USP7: variants seen among roughly 807,000 people sequenced by gnomAD.
USP7 encodes the protein ubiquitin specific peptidase 7, also known as ubiquitin C-terminal hydrolase 7.
Under a neutral mutation model 162.9 loss-of-function variants are expected in USP7, and 9 were observed. The ratio of observed to expected loss-of-function variants is 0.06; its 90% CI spans 0.03 to 0.10. The LOEUF is 0.10. Ranked by LOEUF, USP7 falls within the 10% of genes least tolerant of loss-of-function variation. The pLI, the probability that USP7 is intolerant of heterozygous loss-of-function variation, is 1.00. For missense variants in USP7, 715 were observed against 1,373.7 expected (o/e 0.52, Z 7.58); for synonymous variants, 562 against 475.9 (o/e 1.18, Z -2.35).
intron 1 of USP7, among the ~76,000 whole-genome samples, chr16:8,954,468 G>A (rs1435894390): frequency 6.6e-6 from 1 of 152,168 alleles, no homozygotes; most frequent in Non-Finnish European, 1.5e-5. Flanking sequence ...CATGGGCAAT[G>A]GGACCACAAT....
At chr16:8,941,755 C>G (rs1410902751) in intron 1 of USP7, among the ~76,000 whole-genome samples, 1 of 152,150 alleles carries the variant, frequency 6.6e-6, no homozygotes, top group Non-Finnish European at 1.5e-5. Flanking sequence ...GAAGTCAGGC[C>G]TGCCTCTCCC....
chr16:8,947,549 T>C (rs886589980), intron 1 of USP7, among the ~76,000 whole-genome samples: 1 of 152,206 alleles, frequency 6.6e-6, no homozygotes, highest in Non-Finnish European at 1.5e-5. Context: ...GGTTTCACCA[T>C]GTTGCCCAGG....
At chr16:8,902,564 C>T (rs2061792355) in intron 16 of USP7, 82 bp from the exon 17 acceptor site, 99 of 988,584 alleles carry the variant, frequency 1.0e-4, no homozygotes, top group Non-Finnish European at 1.4e-4. Context: ...TATGTATATA[C>T]ATATACATAT....
intron 23 of USP7, 40 bp from the exon 24 acceptor site, chr16:8,898,679 T>G (rs756594540): frequency 3.7e-5 from 56 of 1,496,222 alleles, no homozygotes; most frequent in Non-Finnish European, 4.6e-5. Flanking sequence ...GACTTGTTTA[T>G]TTGCCTAAAA....
At chr16:8,956,546 C>T (rs555981361) in intron 1 of USP7, among the ~76,000 whole-genome samples, 2 of 152,266 alleles carry the variant, frequency 1.3e-5, no homozygotes, top group South Asian at 4.1e-4. Context: ...GGGCAGACTG[C>T]CTGAGCTCAG....
Position 8,899,929 on chromosome 16 carries a change from G to A in USP7, c.2310-172C>T, listed in dbSNP as rs114286936. 1.4e-3 allele frequency: 1,064 copies of A among 754,168 alleles called. 11 individuals carry two copies. In the African/African-American group the frequency reaches 0.016, roughly 11 times the overall value. 46.7% of individuals were successfully genotyped at this position (754,168 alleles called of 1,614,324 possible). A position where few individuals can be genotyped will look rare whatever the true frequency, so the allele number is the denominator to read the frequency against. On this transcript the variant is annotated intron_variant, in intron 21 of 30. Transcript: ENST00000344836. ...CTGCCTGAGCTCCCTCTGTAAGCGA[G>A]GCAAGTATGCATGGGGATGCACTGA...
In USP7 at chr16:8,927,901, T is replaced by C. The variant is rs144343448; in HGVS notation, c.184+2392A>G. On this transcript the variant is annotated intron_variant, in intron 2 of 30. Transcript: ENST00000344836. Reference sequence around the variant, plus strand: ...GGGTCATGCCTATAATCCCAACACATTGGGAGGCCAAGGCAGAAGAACTGC... The same window carrying C: ...GGGTCATGCCTATAATCCCAACACACTGGGAGGCCAAGGCAGAAGAACTGC... 1.3e-3 allele frequency among the ~76,000 whole-genome samples: 192 copies of C among 152,200 alleles called. 2 individuals are homozygous for C. Among genetic ancestry groups the C allele is most frequent in the South Asian group, 5.8e-3 (28 of 4,828 alleles).
intron 2 of USP7, among the ~76,000 whole-genome samples, chr16:8,925,294 C>T (rs983757157): frequency 6.6e-6 from 1 of 152,154 alleles, no homozygotes; most frequent in African/African-American, 2.4e-5. Context: ...ACACACAAAA[C>T]ACAGGCCTCA....
At chr16:8,910,293 C>A (rs1223054153) in intron 11 of USP7, among the ~76,000 whole-genome samples, 2 of 152,164 alleles carry the variant, frequency 1.3e-5, no homozygotes, top group African/African-American at 4.8e-5. Flanking sequence ...GCCCAGAAAC[C>A]TGGGGGACAC....
chr16:8,939,684 A>G (rs1318842454), intron 1 of USP7, among the ~76,000 whole-genome samples: 2 of 152,246 alleles, frequency 1.3e-5, no homozygotes, highest in South Asian at 2.1e-4. Flanking sequence ...TCATATGTAC[A>G]TATCATGTAC....
intron 2 of USP7, among the ~76,000 whole-genome samples, chr16:8,925,713 C>A (rs535251962): frequency 1.3e-5 from 2 of 152,324 alleles, no homozygotes; most frequent in Admixed American, 6.5e-5. Flanking sequence ...AATTAGTGCA[C>A]TGCACACTCG....
At chr16:8,899,960 G>C (rs2061747931) in intron 21 of USP7, 3 of 639,368 alleles carry the variant, frequency 4.7e-6, no homozygotes, top group Non-Finnish European at 8.1e-6. Flanking sequence ...ACTGAGCCAG[G>C]CGCAATGTAG....
intron 3 of USP7, among the ~76,000 whole-genome samples, chr16:8,921,956 T>C (rs1897717123): frequency 6.6e-6 from 1 of 152,218 alleles, no homozygotes; most frequent in Non-Finnish European, 1.5e-5. Context: ...GGTTTGACTC[T>C]TCAGGACAAG....
At chr16:8,902,751 G>A (rs577112415) in intron 16 of USP7, among the ~76,000 whole-genome samples, 2 of 152,234 alleles carry the variant, frequency 1.3e-5, no homozygotes, top group Non-Finnish European at 2.9e-5. Flanking sequence ...AGCTGGGCCT[G>A]GTGACGGGTG....
chr16:8,903,821 C>T lies in USP7; in HGVS notation c.1705-419G>A, dbSNP rs139207898. On this transcript the variant is annotated intron_variant, in intron 15 of 30. Coordinates refer to ENST00000344836, the MANE Select transcript of USP7 (RefSeq NM_003470.3). ...GGCAGAGGTTGAGGTGAGCAGAGAT[C>T]GCGCCACTGCACTCAAGCCTGGGCA... Among the ~76,000 whole-genome samples, 413 of 149,976 alleles carry T rather than the reference C, an allele frequency of 2.8e-3. 1 individual carries two copies. The highest frequency in any genetic ancestry group is 9.5e-3 in the African/African-American group (388 of 40,660).
chr16:8,893,909 C>T lies in USP7; in HGVS notation c.*89G>A. ...CAGCAGCGAATCCTCTTGCTGAAGA[C>T]TTCGGCTAGAGGGCACGTGCACCAA... On this transcript the variant is annotated 3_prime_UTR_variant, in exon 31 of 31. Coordinates refer to ENST00000344836, the MANE Select transcript of USP7 (RefSeq NM_003470.3). 1.7e-6 allele frequency: 2 copies of T among 1,155,148 alleles called. No individual in the cohort carries two copies. The highest frequency in any genetic ancestry group is 2.5e-5 in the South Asian group (2 of 80,210). 71.6% of individuals were successfully genotyped at this position (1,155,148 alleles called of 1,614,324 possible).
At chr16:8,923,945 G>A (rs1897848958) in intron 2 of USP7, among the ~76,000 whole-genome samples, 1 of 152,116 alleles carries the variant, frequency 6.6e-6, no homozygotes, top group Non-Finnish European at 1.5e-5. Context: ...GATAATAAAT[G>A]CTAACCTCAT....
At chr16:8,923,108 T>C in intron 3 of USP7, 107 bp downstream of exon 3, 1 of 535,654 alleles carries the variant, frequency 1.9e-6, no homozygotes, top group Non-Finnish European at 2.9e-6. Flanking sequence ...AAACACGTAT[T>C]TAATCTAATT....
chr16:8,959,767 C>T (rs1899937385), intron 1 of USP7, among the ~76,000 whole-genome samples: 1 of 152,212 alleles, frequency 6.6e-6, no homozygotes, highest in Non-Finnish European at 1.5e-5. Flanking sequence ...CCCAAACATG[C>T]TTCAGCAGAA....
Sources: allele counts gnomAD v4.1 joint callset (sites outside exome capture counted in the v4.1 genomes callset), GRCh38; gene constraint gnomAD v4.1.1; transcripts MANE v1.5; gene names NCBI Gene and HGNC (gene_info 2026-07-23, HGNC 2026-07-21).